Variants in DHX16 observed in about 807,000 individuals in gnomAD.
DHX16 encodes DEAH-box helicase 16, also known as pre-mRNA-splicing factor ATP-dependent RNA helicase DHX16.
DHX16 carries 81 observed loss-of-function variants against 131.2 expected under a neutral mutation model. The ratio of observed to expected loss-of-function variants is 0.62; its 90% CI spans 0.52 to 0.74. DHX16 has a LOEUF of 0.74. Among genes scored for constraint, DHX16 ranks in the 30% least tolerant of loss-of-function variants. The pLI, the probability that DHX16 is intolerant of heterozygous loss-of-function variation, is 0.00. For missense variants in DHX16, 980 were observed against 1,363.1 expected (o/e 0.72, Z 4.43); for synonymous variants, 440 against 520.2 (o/e 0.85, Z 2.10).
Position 30,665,514 on chromosome 6 carries a change from T to C in DHX16, c.886A>G (p.Asn296Asp). The C allele has an allele frequency of 3.1e-6, 5 of 1,613,046 alleles. No homozygotes were observed. The highest frequency in any genetic ancestry group is 4.2e-6 in the Non-Finnish European group (5 of 1,180,024). The change falls in exon 5 of 20, where the codon AAT becomes GAT. Residue 296 changes from asparagine to aspartate, a missense_variant. Asn to Asp is a conservative substitution (Grantham distance 23, BLOSUM62 1). This residue lies in a region of DHX16 where 457 missense variants were observed against 554.8 expected (regional missense o/e 0.82). Transcript: ENST00000376442. This position sits in a 1 kb window ranked among gnomAD's most constrained non-coding sequence, Gnocchi z 4.8. ...AGEQEKLEAT[N>D]RYHMPKETRG... The stretch of plus-strand genomic sequence containing the variant: ...GTTTCCTTGGGCATGTGGTAGCGAT[T>C]GGTGGCCTCCAGCTTCTCCTGCTCC...
Position 30,665,254 on chromosome 6 carries a change from T to A in DHX16, c.942A>T (p.Leu314=). 6.2e-7 allele frequency: 1 copy of A among 1,603,972 alleles called. No homozygotes were observed. The highest frequency in any genetic ancestry group is 8.5e-7 in the Non-Finnish European group (1 of 1,179,742). The change falls in exon 6 of 20, where the codon CTA becomes CTT. Residue 314 remains leucine, a synonymous_variant. Transcript: ENST00000376442. This position sits in a 1 kb window ranked among gnomAD's most constrained non-coding sequence, Gnocchi z 4.8. ...TRGQPARAVD[L]VEEESGAPGE... is the part of the protein sequence containing the mutation. Reference sequence around the variant, plus strand: ...CAGGGGCTCCTGATTCCTCCTCCACTAGATCCACAGCTCGGGCTGGCTACA... The same window carrying A: ...CAGGGGCTCCTGATTCCTCCTCCACAAGATCCACAGCTCGGGCTGGCTACA...
intron 9 of DHX16, among the ~76,000 whole-genome samples, chr6:30,660,806 T>C (rs1484094308): frequency 6.6e-6 from 1 of 151,232 alleles, no homozygotes; most frequent in African/African-American, 2.4e-5. Context: ...CGCTTGAACC[T>C]GGGAGGCAGA....
chr6:30,654,573 G>C, intron 19 of DHX16, 133 bp downstream of exon 19: 1 of 897,808 alleles, frequency 1.1e-6, no homozygotes, highest in East Asian at 2.8e-5. Context: ...AAAAACAAAG[G>C]ATGTCTTTCT....
In DHX16 at chr6:30,656,997, GT is replaced by G. The variant is rs1437735684; in HGVS notation, c.2102del (p.Asn701ThrfsTer70). 1.1e-5 allele frequency: 18 copies of G among 1,612,910 alleles called. No individual in the cohort carries two copies. The highest frequency in any genetic ancestry group is 1.5e-5 in the Non-Finnish European group (18 of 1,180,022). Reference protein sequence around the residue: ...DPGFCKQKSYNPRTGMESLTV... With the variant: ...DPGFCKQKSYXPRTGMESLTV... Reference sequence around the variant, plus strand: ...TGAGCGATTCCATGCCTGTGCGGGGGTTGTAGCTCTTCTGCTTACAGAACCC... The same window carrying G: ...TGAGCGATTCCATGCCTGTGCGGGGGTGTAGCTCTTCTGCTTACAGAACCC... On this transcript the variant is annotated frameshift_variant, in exon 13 of 20. Coordinates refer to ENST00000376442, the MANE Select transcript of DHX16 (RefSeq NM_003587.5). LOFTEE classifies it high-confidence loss of function. The surrounding 1 kb of genome is among the most constrained non-coding windows in gnomAD (Gnocchi z 5.1).
At chr6:30,653,807 A>G (rs1767693308) in intron 19 of DHX16, among the ~76,000 whole-genome samples, 1 of 152,208 alleles carries the variant, frequency 6.6e-6, no homozygotes, top group Admixed American at 6.5e-5. Flanking sequence ...AAGATACCAA[A>G]TAAGCTATTC....
intron 7 of DHX16, among the ~76,000 whole-genome samples, chr6:30,664,579 C>T (rs1166335304): frequency 1.3e-5 from 2 of 152,056 alleles, no homozygotes; most frequent in African/African-American, 4.8e-5. Flanking sequence ...TTTATACACG[C>T]CCCACTCCAC....
Position 30,670,744 on chromosome 6 carries a change from C to T in DHX16, c.609+46G>A. 6.2e-7 allele frequency: 1 copy of T among 1,609,054 alleles called. No homozygotes were observed. On this transcript the variant is annotated intron_variant, in intron 3 of 19. Transcript: ENST00000376442. This position sits in a 1 kb window ranked among gnomAD's most constrained non-coding sequence, Gnocchi z 4.4. ...TGCACTCACAGCCAACCTCAGATTT[C>T]ACCCTGGGATCTTGGGGATTTACAG...
In DHX16 at chr6:30,656,786, T is replaced by C. The variant is rs1768028101; in HGVS notation, c.2149-27A>G. 1 of 1,610,460 alleles carries C rather than the reference T, an allele frequency of 6.2e-7. No homozygotes were observed. The highest frequency in any genetic ancestry group is 1.7e-4 in the Middle Eastern group (1 of 6,056). On this transcript the variant is annotated intron_variant, in intron 13 of 19. Coordinates refer to ENST00000376442, the MANE Select transcript of DHX16 (RefSeq NM_003587.5). This position sits in a 1 kb window ranked among gnomAD's most constrained non-coding sequence, Gnocchi z 5.1. ...TGGAAAGAAAGGGGAACAGGCTGGC[T>C]GACAATTTGGTCAGGGAAAAGAAAA...
At position 30,662,035 on chromosome 6, in the gene DHX16, A is replaced by G. The variant is rs1259909576; in HGVS notation, c.1544+592T>C. The G allele has an allele frequency of 3.3e-6, 2 of 602,114 alleles. No individual in the cohort carries two copies. Among genetic ancestry groups the G allele is most frequent in the Non-Finnish European group, 6.0e-6 (2 of 332,512 alleles). 37.3% of individuals were successfully genotyped at this position (602,114 alleles called of 1,614,324 possible). A position where few individuals can be genotyped will look rare whatever the true frequency, so the allele number is the denominator to read the frequency against. Reference sequence around the variant, plus strand: ...TCATGAATCCCTTTTCCCCCTCAACACATGTTCAACCAACCCCTGCTTGGC... The same window carrying G: ...TCATGAATCCCTTTTCCCCCTCAACGCATGTTCAACCAACCCCTGCTTGGC... On this transcript the variant is annotated intron_variant, in intron 9 of 19. Transcript: ENST00000376442. The surrounding 1 kb of genome is among the most constrained non-coding windows in gnomAD (Gnocchi z 4.7).
chr6:30,671,433 C>T (rs989359620), intron 1 of DHX16, among the ~76,000 whole-genome samples, 159 bp from the exon 2 acceptor site: 1 of 152,180 alleles, frequency 6.6e-6, no homozygotes, highest in Admixed American at 6.5e-5. Context: ...CTTCAACCTC[C>T]GCCTCCCAGG....
intron 12 of DHX16, 131 bp downstream of exon 12, chr6:30,659,341 C>CAAGG (rs1157100488): frequency 2.0e-6 from 2 of 1,002,452 alleles, no homozygotes; most frequent in African/African-American, 1.6e-5. Flanking sequence ...GTCCCAGGAA[C>CAAGG]AAGGGACTGG....
chr6:30,670,359 A>G lies in DHX16; in HGVS notation c.666+51T>C. The stretch of plus-strand genomic sequence containing the variant: ...CTCTCTCCCTATACACTCTATCAGA[A>G]AGTCTTTCCTTTTGTCTTCTGATCT... On this transcript the variant is annotated intron_variant, in intron 4 of 19. Coordinates refer to ENST00000376442, the MANE Select transcript of DHX16 (RefSeq NM_003587.5). This position sits in a 1 kb window ranked among gnomAD's most constrained non-coding sequence, Gnocchi z 4.4. 4 of 1,549,004 alleles carry G rather than the reference A, an allele frequency of 2.6e-6. No individual in the cohort carries two copies. Among genetic ancestry groups the G allele is most frequent in the Non-Finnish European group, 3.5e-6 (4 of 1,134,524 alleles).
intron 19 of DHX16, among the ~76,000 whole-genome samples, chr6:30,654,190 G>A (rs1034493897): frequency 6.6e-6 from 1 of 152,100 alleles, no homozygotes; most frequent in African/African-American, 2.4e-5. Context: ...TATAGCCCCA[G>A]CACCTATACA....
rs780840582 is a variant in DHX16 at position 30,656,733 on chromosome 6, C to T, written c.2175G>A (p.Arg725=). Residue 725 remains arginine, a synonymous_variant, in exon 14 of 20, where the codon AGG becomes AGA. Transcript: ENST00000376442. The surrounding 1 kb of genome is among the most constrained non-coding windows in gnomAD (Gnocchi z 5.1). ...ACTTCCCTGCAGCCACCCGACCTGC[C>T]CTGCCAGCTCGCTGATTGGCTGAGG... ...SKASANQRAG[R]AGRVAAGKCF... The T allele has an allele frequency of 1.2e-6, 2 of 1,612,792 alleles. No homozygotes were observed. Among genetic ancestry groups the T allele is most frequent in the East Asian group, 4.5e-5 (2 of 44,884 alleles).
At chr6:30,664,092 G>A (rs1768778231) in intron 7 of DHX16, among the ~76,000 whole-genome samples, 1 of 152,044 alleles carries the variant, frequency 6.6e-6, no homozygotes, top group Non-Finnish European at 1.5e-5. Flanking sequence ...GGAGGCTGAG[G>A]TGGGATGATC....
chr6:30,656,378 T>C lies in DHX16; in HGVS notation c.2430+13A>G, dbSNP rs1124795. On this transcript the variant is annotated intron_variant, in intron 15 of 19. Transcript: ENST00000376442. This position sits in a 1 kb window ranked among gnomAD's most constrained non-coding sequence, Gnocchi z 5.1. ...TATCATCCTGCCTCCACCCATGCTG[T>C]CCCCCGACTCACCGTGGTGAGCTCC... The C allele has an allele frequency of 0.084, 135,838 of 1,612,788 alleles. 10,186 individuals carry two copies. Among genetic ancestry groups the C allele is most frequent in the African/African-American group, 0.34 (25,385 of 74,832 alleles).
At chr6:30,672,609 G>C (rs1769672615) in intron 1 of DHX16, 26 bp downstream of exon 1, 12 of 1,588,714 alleles carry the variant, frequency 7.6e-6, no homozygotes, top group Non-Finnish European at 1.0e-5. Context: ...ACAAATCACA[G>C]GGCCCCTCCC....
chr6:30,669,720 G>A (rs1207444636), intron 4 of DHX16, among the ~76,000 whole-genome samples: 3 of 125,484 alleles, frequency 2.4e-5, no homozygotes, highest in African/African-American at 6.2e-5. Context: ...GCAAGACCCC[G>A]TTTCAAAAAA....
At chr6:30,655,977 C>G (rs891143485) in intron 16 of DHX16, among the ~76,000 whole-genome samples, 1 of 152,148 alleles carries the variant, frequency 6.6e-6, no homozygotes, top group Non-Finnish European at 1.5e-5. Context: ...ACCTTAGGAA[C>G]AAGTAAGTTC....
Sources: gnomAD v4.1 joint callset for allele counts (sites outside exome capture counted in the v4.1 genomes callset) on GRCh38, gnomAD v4.1.1 for gene constraint, gnomAD v4.1.1 regional missense constraint, Gnocchi (gnomAD v3.1) non-coding constraint, MANE v1.5 for transcripts, NCBI Gene and HGNC (gene_info 2026-07-23, HGNC 2026-07-21) for gene names.